PDE4B: variants seen among roughly 807,000 people sequenced by gnomAD.
PDE4B encodes 3',5'-cyclic-AMP phosphodiesterase 4B.
Under a neutral mutation model 82.2 loss-of-function variants are expected in PDE4B, and 20 were observed. The ratio of observed to expected loss-of-function variants is 0.24; its 90% CI spans 0.17 to 0.35. The LOEUF (loss-of-function observed/expected upper bound fraction) is 0.35, where lower values mean the gene tolerates loss of function less well. Among genes scored for constraint, PDE4B ranks in the 10% least tolerant of loss-of-function variants. The pLI is 1.00. For synonymous variants in PDE4B, 320 were observed against 318.9 expected (o/e 1.00, Z -0.04); for missense variants, 655 against 907.2 (o/e 0.72, Z 3.57).
intron 3 of PDE4B, among the ~76,000 whole-genome samples, chr1:66,166,419 G>T (rs796305260): frequency 2.6e-5 from 4 of 152,050 alleles, no homozygotes; most frequent in Non-Finnish European, 4.4e-5. Context: ...AAAACTTTTT[G>T]TTCTTCCAAG....
At chr1:65,843,508 G>A (rs1646232889) in intron 1 of PDE4B, among the ~76,000 whole-genome samples, 1 of 152,078 alleles carries the variant, frequency 6.6e-6, no homozygotes, top group Admixed American at 6.6e-5. Flanking sequence ...ATACATTTTG[G>A]ACTTTCAGCT....
At chr1:66,056,059 T>C (rs1332122923) in intron 3 of PDE4B, among the ~76,000 whole-genome samples, 1 of 152,250 alleles carries the variant, frequency 6.6e-6, no homozygotes, top group African/African-American at 2.4e-5. Flanking sequence ...GAATATATCT[T>C]ATAGTCAGGT....
At chr1:65,931,867 G>A (rs114622271) in intron 3 of PDE4B, among the ~76,000 whole-genome samples, 2 of 152,304 alleles carry the variant, frequency 1.3e-5, no homozygotes, top group Non-Finnish European at 2.9e-5. Flanking sequence ...CCCAAAGGAT[G>A]GGCCTTTCTC....
chr1:66,247,036 AGACTTT>A (rs1653368173), intron 3 of PDE4B, among the ~76,000 whole-genome samples: 1 of 152,210 alleles, frequency 6.6e-6, no homozygotes. Context: ...CCAGACAGGA[AGACTTT>A]ACTCATGTGA....
intron 3 of PDE4B, among the ~76,000 whole-genome samples, chr1:65,937,938 A>C (rs1198635495): frequency 6.6e-6 from 1 of 152,174 alleles, no homozygotes; most frequent in East Asian, 1.9e-4. Context: ...TCTGTCCCCT[A>C]CTTTATTTAA....
intron 7 of PDE4B, among the ~76,000 whole-genome samples, chr1:66,320,183 C>G (rs942263028): frequency 2.6e-5 from 4 of 152,070 alleles, no homozygotes. Flanking sequence ...CTCGTTTTCC[C>G]TCATGTCCTT....
intron 1 of PDE4B, among the ~76,000 whole-genome samples, chr1:65,885,586 T>C (rs570556478): frequency 6.6e-6 from 1 of 152,010 alleles, no homozygotes; most frequent in African/African-American, 2.4e-5. Flanking sequence ...CCGGAAACGA[T>C]CATTCTCAGC....
chr1:66,074,748 G>GTT (rs1557542456), intron 3 of PDE4B, among the ~76,000 whole-genome samples: 1 of 152,020 alleles, frequency 6.6e-6, no homozygotes, highest in Non-Finnish European at 1.5e-5. Context: ...TGGCCTTTGT[G>GTT]TTTGTCTTCT....
intron 3 of PDE4B, among the ~76,000 whole-genome samples, chr1:66,136,089 G>T (rs1646049565): frequency 6.6e-6 from 1 of 152,104 alleles, no homozygotes; most frequent in African/African-American, 2.4e-5. Context: ...CTTGATGTCA[G>T]CAGTGTGTAT....
intron 3 of PDE4B, among the ~76,000 whole-genome samples, chr1:66,192,346 T>A (rs1647891515): frequency 6.6e-6 from 1 of 152,208 alleles, no homozygotes; most frequent in South Asian, 2.1e-4. Flanking sequence ...TCCCCTGTTG[T>A]CTTTTCACTT....
intron 3 of PDE4B, among the ~76,000 whole-genome samples, chr1:66,078,082 A>G (rs1055530482): frequency 1.3e-5 from 2 of 152,176 alleles, no homozygotes; most frequent in African/African-American, 4.8e-5. Flanking sequence ...CCATTTTACG[A>G]AAGAGAAAAT....
chr1:66,040,154 G>A (rs1654290155), intron 3 of PDE4B, among the ~76,000 whole-genome samples: 1 of 152,032 alleles, frequency 6.6e-6, no homozygotes, highest in South Asian at 2.1e-4. Context: ...TTTTCAATGA[G>A]GACGACTATT....
intron 1 of PDE4B, among the ~76,000 whole-genome samples, chr1:65,795,472 A>G (rs2101146358): frequency 6.6e-6 from 1 of 152,374 alleles, no homozygotes; most frequent in Admixed American, 6.5e-5. Context: ...GTGGTAATAC[A>G]GTGGACACTG....
intron 3 of PDE4B, among the ~76,000 whole-genome samples, chr1:65,941,213 T>G (rs1278389979): frequency 6.6e-6 from 1 of 151,974 alleles, no homozygotes; most frequent in Non-Finnish European, 1.5e-5. Flanking sequence ...GCAGAGGAAT[T>G]TCTCTTCTTT....
intron 1 of PDE4B, among the ~76,000 whole-genome samples, chr1:65,830,001 A>G (rs902074669): frequency 3.3e-5 from 5 of 152,184 alleles, no homozygotes; most frequent in Non-Finnish European, 5.9e-5. Context: ...TCTAAAAGGA[A>G]CAAGGGACTC....
intron 7 of PDE4B, among the ~76,000 whole-genome samples, chr1:66,310,257 G>A (rs1417658063): frequency 1.3e-5 from 2 of 152,208 alleles, no homozygotes; most frequent in Non-Finnish European, 2.9e-5. Flanking sequence ...GAAGAACTAG[G>A]GCTCATAGAG....
chr1:65,836,189 G>A (rs1394611845), intron 1 of PDE4B, among the ~76,000 whole-genome samples: 1 of 152,096 alleles, frequency 6.6e-6, no homozygotes, highest in Admixed American at 6.6e-5. Flanking sequence ...TGATTCACCC[G>A]TCTCGGCCTC....
intron 3 of PDE4B, among the ~76,000 whole-genome samples, chr1:66,002,431 C>T (rs1651916883): frequency 6.6e-6 from 1 of 151,886 alleles, no homozygotes; most frequent in Admixed American, 6.6e-5. Flanking sequence ...TAGTAGAGGG[C>T]TAAAGGCATC....
At chr1:66,130,292 A>G (rs1376269443) in intron 3 of PDE4B, among the ~76,000 whole-genome samples, 1 of 152,248 alleles carries the variant, frequency 6.6e-6, no homozygotes, top group Non-Finnish European at 1.5e-5. Flanking sequence ...TACAGGAAAC[A>G]GTAAATACTG....
Sources: gnomAD v4.1 joint callset for allele counts (sites outside exome capture counted in the v4.1 genomes callset) on GRCh38, gnomAD v4.1.1 for gene constraint, MANE v1.5 for transcripts, NCBI Gene and HGNC (gene_info 2026-07-23, HGNC 2026-07-21) for gene names.